Variants in SOD2 observed in about 807,000 individuals in gnomAD.
SOD2 encodes the protein superoxide dismutase [Mn], mitochondrial.
In SOD2, 11 loss-of-function variants were observed where a neutral mutation model predicts 27.0. The ratio of observed to expected loss-of-function variants is 0.41; its 90% CI spans 0.26 to 0.67. The LOEUF (loss-of-function observed/expected upper bound fraction) is 0.67. Among genes scored for constraint, SOD2 ranks in the 30% least tolerant of loss-of-function variants. The pLI is 0.34. For synonymous variants in SOD2, 105 were observed against 103.0 expected, an observed-to-expected ratio of 1.02 and a Z score of -0.12; for missense variants, 250 against 274.5, an observed-to-expected ratio of 0.91 and a Z score of 0.63.
rs1056143573 is a variant in SOD2, at chr6:159,675,862, T to A, written c.*6631A>T. 1.3e-5 allele frequency: 2 copies of A among 152,124 alleles called. No homozygotes were observed. The highest frequency in any genetic ancestry group is 4.8e-5 in the African/African-American group (2 of 41,390). The allele number at this position is 152,124 out of a possible 1,614,324, so 9.4% of individuals were successfully genotyped here. On this transcript the variant is annotated 3_prime_UTR_variant, in exon 5 of 5. Transcript: ENST00000538183. ...GCAATCTACTCATCTGACAAAGGGC[T>A]AATATCCAGAATCTACAAGGAACTC...
intron 1 of SOD2, chr6:159,741,992 C>T: frequency 1.2e-6 from 1 of 866,124 alleles, no homozygotes; most frequent in South Asian, 1.5e-5. Context: ...GAAGAATGCT[C>T]AGTATTACTA....
At chr6:159,755,619 T>C (rs770408749) in intron 1 of SOD2, 30 of 1,579,564 alleles carry the variant, frequency 1.9e-5, no homozygotes, top group Non-Finnish European at 2.5e-5. Flanking sequence ...TAATATTTTT[T>C]CAGCAAATTT....
chr6:159,704,818 G>A (rs1459304449), intron 1 of SOD2, among the ~76,000 whole-genome samples: 1 of 152,328 alleles, frequency 6.6e-6, no homozygotes. Context: ...ACAACAGACA[G>A]ACCACGTCCT....
intron 1 of SOD2, among the ~76,000 whole-genome samples, chr6:159,750,613 G>A (rs1282891332): frequency 9.9e-5 from 15 of 152,114 alleles, no homozygotes; most frequent in Admixed American, 9.8e-4. Context: ...ACACAGATGA[G>A]TTGCACCTTG....
Position 159,684,894 on chromosome 6 carries a change from A to G in SOD2, c.483T>C (p.Ile161=). The change falls in exon 4 of 5, where the codon ATT becomes ATC. Residue 161 remains isoleucine, a synonymous_variant. Coordinates refer to ENST00000538183, the MANE Select transcript of SOD2 (RefSeq NM_000636.4). ...GTGGATCCTGATTTGGACAAGCAGC[A>G]ATTTGTAAGTGTCCCCGTTCCTTAT... The part of the protein sequence containing the change: ...GFNKERGHLQ[I]AACPNQDPLQ... The G allele has an allele frequency of 1.2e-6, 2 of 1,613,108 alleles. No homozygotes were observed. The highest frequency in any genetic ancestry group is 1.1e-5 in the South Asian group (1 of 90,894).
chr6:159,694,075 C>T (rs1777368996), upstream of SOD2, among the ~76,000 whole-genome samples: 1 of 152,214 alleles, frequency 6.6e-6, no homozygotes, highest in East Asian at 1.9e-4. Flanking sequence ...TGAGTCAGGA[C>T]TAGTTCCCAC....
intron 1 of SOD2, among the ~76,000 whole-genome samples, chr6:159,751,426 G>C (rs1456277768): frequency 6.6e-6 from 1 of 152,210 alleles, no homozygotes; most frequent in Non-Finnish European, 1.5e-5. Flanking sequence ...TTTGCAAGAA[G>C]ACAGTTTTGA....
At chr6:159,734,455 G>A (rs1778783158) in intron 1 of SOD2, among the ~76,000 whole-genome samples, 1 of 151,824 alleles carries the variant, frequency 6.6e-6, no homozygotes, top group African/African-American at 2.4e-5. Flanking sequence ...TAATAAGTAT[G>A]GGTAATTAAA....
Position 159,759,247 on chromosome 6 carries a change from C to CA in SOD2, c.-336+1789dup, listed in dbSNP as rs371369165. On this transcript the variant is annotated intron_variant, in intron 1 of 7. Coordinates refer to the SOD2 transcript ENST00000546087. ...AGCTAATTTTGTATTTTAGTAGAGA[C>CA]AGAGTTTCTGCATGTTGGTCAGGCA... 8.0e-3 allele frequency among the ~76,000 whole-genome samples: 1,203 copies of CA among 150,372 alleles called. 18 individuals carry two copies. Among genetic ancestry groups the CA allele is most frequent in the African/African-American group, 0.027 (1,103 of 41,202 alleles).
rs1308099792 is a variant in SOD2 at position 159,671,834 on chromosome 6, A to C, written c.*10659T>G. 1.3e-5 allele frequency: 2 copies of C among 152,198 alleles called. No homozygotes were observed. The highest frequency in any genetic ancestry group is 4.8e-5 in the African/African-American group (2 of 41,454). The allele number at this position is 152,198 out of a possible 1,614,324, so 9.4% of individuals were successfully genotyped here. The stretch of plus-strand genomic sequence containing the variant: ...GTTCGAACCCATCACAAAGAACCTA[A>C]AAACCTTGAAAAAAGATTAGACAAA... On this transcript the variant is annotated 3_prime_UTR_variant, in exon 5 of 5. Transcript: ENST00000538183.
At chr6:159,744,806 C>T (rs541716717) in intron 1 of SOD2, among the ~76,000 whole-genome samples, 5 of 152,206 alleles carry the variant, frequency 3.3e-5, no homozygotes, top group South Asian at 2.1e-4. Context: ...TTCAGCTTCC[C>T]GAGTAACTGA....
At chr6:159,720,881 G>C (rs1283929666) in intron 1 of SOD2, among the ~76,000 whole-genome samples, 4 of 69,106 alleles carry the variant, frequency 5.8e-5, no homozygotes, top group Non-Finnish European at 1.1e-4. Context: ...TTTTGAGACA[G>C]TGTCTTGTTG....
intron 1 of SOD2, chr6:159,713,325 C>G: frequency 1.5e-6 from 1 of 657,948 alleles, no homozygotes; most frequent in Non-Finnish European, 2.8e-6. Context: ...AACCCAGCTC[C>G]TCTGCCAATG....
Position 159,752,976 on chromosome 6 carries a change from T to C in SOD2, c.-335-4300A>G, listed in dbSNP as rs541776003. Among the ~76,000 whole-genome samples the C allele has an allele frequency of 6.6e-5, 10 of 152,366 alleles. No individual in the cohort carries two copies. In the South Asian group the frequency reaches 2.1e-3, roughly 32 times the overall value. On this transcript the variant is annotated intron_variant, in intron 1 of 7. Transcript: ENST00000546087. ...GACTTCCTGTTAAGGAAAATCCTTA[T>C]TAAATGTTTTTCTAGCAAGAATAAA...
At position 159,670,470 on chromosome 6, in the gene SOD2, C is replaced by G. The variant is rs1276809028; in HGVS notation, c.*12023G>C. 1 of 152,120 alleles carries G rather than the reference C, an allele frequency of 6.6e-6. No individual in the cohort carries two copies. The highest frequency in any genetic ancestry group is 1.5e-5 in the Non-Finnish European group (1 of 68,028). The allele number at this position is 152,120 out of a possible 1,614,324, so 9.4% of individuals were successfully genotyped here. A position where few individuals can be genotyped will look rare whatever the true frequency, so the allele number is the denominator to read the frequency against. On this transcript the variant is annotated 3_prime_UTR_variant, in exon 5 of 5. Coordinates refer to ENST00000538183, the MANE Select transcript of SOD2 (RefSeq NM_000636.4). ...CTGTAAGCACTACCAGCAAGTATACCCTACTGGTTGGAGAACTTTGTTTAA... is the reference window on the plus strand; with the variant it reads ...CTGTAAGCACTACCAGCAAGTATACGCTACTGGTTGGAGAACTTTGTTTAA...
At chr6:159,713,594 C>G (rs976154901) in intron 1 of SOD2, 1 of 928,506 alleles carries the variant, frequency 1.1e-6, no homozygotes, top group Non-Finnish European at 1.8e-6. Flanking sequence ...GGCACAATTT[C>G]CAACCCTGAA....
At chr6:159,759,981 GA>G (rs1434666383) in intron 1 of SOD2, among the ~76,000 whole-genome samples, 1 of 152,212 alleles carries the variant, frequency 6.6e-6, no homozygotes, top group Admixed American at 6.5e-5. Context: ...AATGTGCTAG[GA>G]GCTGTGCATA....
intron 1 of SOD2, among the ~76,000 whole-genome samples, chr6:159,733,500 T>C (rs1778715787): frequency 1.3e-5 from 2 of 152,054 alleles, no homozygotes; most frequent in Non-Finnish European, 2.9e-5. Context: ...CACATGCCTG[T>C]AGTCCCAGGT....
chr6:159,753,002 TACTC>T (rs1311988072), intron 1 of SOD2, among the ~76,000 whole-genome samples: 1 of 152,232 alleles, frequency 6.6e-6, no homozygotes, highest in Non-Finnish European at 1.5e-5. Context: ...CAAGAATAAA[TACTC>T]TCATTCATTT....
Sources: allele counts gnomAD v4.1 joint callset (sites outside exome capture counted in the v4.1 genomes callset), GRCh38; gene constraint gnomAD v4.1.1; transcripts MANE v1.5; gene names NCBI Gene and HGNC (gene_info 2026-07-23, HGNC 2026-07-21).